PIK3C3: variants seen among roughly 807,000 people sequenced by gnomAD.
PIK3C3 encodes PI3-kinase type 3.
In PIK3C3, 95 loss-of-function variants were observed where a neutral mutation model predicts 126.1. That is an observed-to-expected ratio of 0.75 (90% CI 0.64 to 0.89). The LOEUF is 0.89. Ranked by LOEUF, PIK3C3 falls within the 40% of genes least tolerant of loss-of-function variation. PIK3C3 has a pLI of 0.00. For synonymous variants in PIK3C3, 374 were observed against 360.0 expected, an observed-to-expected ratio of 1.04 and a Z score of -0.44; for missense variants, 829 against 1,063.2, an observed-to-expected ratio of 0.78 and a Z score of 3.06.
chr18:41,974,357 A>G (rs547541242), intron 4 of PIK3C3, among the ~76,000 whole-genome samples: 31 of 152,318 alleles, frequency 2.0e-4, no homozygotes, highest in African/African-American at 7.0e-4. Context: ...TTCTTTCAGG[A>G]TGAATTTAGC....
intron 2 of PIK3C3, among the ~76,000 whole-genome samples, chr18:41,960,969 T>C (rs1401310001): frequency 6.6e-6 from 1 of 152,126 alleles, no homozygotes; most frequent in Non-Finnish European, 1.5e-5. Flanking sequence ...CTTGAACTCC[T>C]GACCTCAAGT....
rs1981824257 is a variant in PIK3C3, at chr18:41,992,434, CTT to C, written c.715-835_715-834del. Among the ~76,000 whole-genome samples, 4 of 152,258 alleles carry C rather than the reference CTT, an allele frequency of 2.6e-5. No individual in the cohort carries two copies. In the South Asian group the frequency reaches 8.3e-4, roughly 32 times the overall value. On this transcript the variant is annotated intron_variant, in intron 6 of 24. Coordinates refer to ENST00000262039, the MANE Select transcript of PIK3C3 (RefSeq NM_002647.4). ...CAGTGCTTCCCCGCTTTCAGTCTCT[CTT>C]GAGTTTGTTGCCCATATTTAAAATT...
intron 13 of PIK3C3, among the ~76,000 whole-genome samples, chr18:42,024,354 C>G (rs1375319650): frequency 6.6e-6 from 1 of 152,056 alleles, no homozygotes; most frequent in Admixed American, 6.5e-5. Flanking sequence ...GATAGCTAAC[C>G]TTGTCTCTCA....
At chr18:42,013,113 CTTT>C (rs67564071) in intron 10 of PIK3C3, among the ~76,000 whole-genome samples, 30,650 of 136,508 alleles carry the variant, frequency 0.22, 3,302 homozygotes, top group South Asian at 0.4. Context: ...ATCCTTCCCA[CTTT>C]TTTTTTTTTT....
At chr18:41,963,767 T>G (rs562059371) in intron 3 of PIK3C3, among the ~76,000 whole-genome samples, 1 of 152,152 alleles carries the variant, frequency 6.6e-6, no homozygotes, top group Non-Finnish European at 1.5e-5. Flanking sequence ...AACTGCTTTT[T>G]GATGTACTTT....
At chr18:42,063,786 C>T (rs542096657) in intron 22 of PIK3C3, among the ~76,000 whole-genome samples, 1 of 152,050 alleles carries the variant, frequency 6.6e-6, no homozygotes, top group South Asian at 2.1e-4. Context: ...AATAAAGATC[C>T]TACATCACCC....
chr18:42,048,249 G>C (rs1446082870), intron 20 of PIK3C3, among the ~76,000 whole-genome samples: 1 of 152,188 alleles, frequency 6.6e-6, no homozygotes, highest in African/African-American at 2.4e-5. Flanking sequence ...TATTTAAGGT[G>C]ATTAGGACCA....
intron 21 of PIK3C3, among the ~76,000 whole-genome samples, chr18:42,054,384 A>G (rs1444467143): frequency 2.0e-5 from 3 of 150,034 alleles, no homozygotes; most frequent in South Asian, 4.2e-4. Context: ...CTCTTTTCAC[A>G]TTTTTCTGTC....
chr18:42,052,730 T>C (rs1568001881), intron 21 of PIK3C3: 1 of 152,166 alleles, frequency 6.6e-6, no homozygotes, highest in Non-Finnish European at 1.5e-5. Flanking sequence ...CAAAGTGAAT[T>C]TTGAATGTGG....
chr18:42,065,274 G>A (rs141840625), intron 23 of PIK3C3, among the ~76,000 whole-genome samples: 3 of 152,038 alleles, frequency 2.0e-5, no homozygotes, highest in African/African-American at 7.2e-5. Flanking sequence ...AAAACAATCC[G>A]TAGAAACACC....
chr18:42,084,476 TTA>T lies in PIK3C3; in HGVS notation c.*3342_*3343del, dbSNP rs1447807905. On this transcript the variant is annotated 3_prime_UTR_variant, in exon 25 of 25. Transcript: ENST00000262039. ...TAATTTTGATATATTAATATTTCAC[TTA>T]TAAGAATGCATACCACCTGATCCAG... The T allele has an allele frequency of 6.6e-6, 1 of 151,450 alleles. No homozygotes were observed. Among genetic ancestry groups the T allele is most frequent in the Non-Finnish European group, 1.5e-5 (1 of 67,934 alleles). 9.4% of individuals were successfully genotyped at this position (151,450 alleles called of 1,614,324 possible).
intron 13 of PIK3C3, among the ~76,000 whole-genome samples, chr18:42,024,438 A>ATT (rs577688097): frequency 3.4e-5 from 5 of 145,094 alleles, no homozygotes; most frequent in Middle Eastern, 3.3e-3. Flanking sequence ...GGCTTGAATG[A>ATT]TTTTTTTTTT....
intron 2 of PIK3C3, 109 bp downstream of exon 2, chr18:41,957,867 G>T: frequency 1.4e-6 from 1 of 735,696 alleles, no homozygotes. Flanking sequence ...AATACCTATA[G>T]GCATTGATCA....
intron 4 of PIK3C3, among the ~76,000 whole-genome samples, chr18:41,978,926 G>A (rs1346393798): frequency 6.6e-6 from 1 of 151,824 alleles, no homozygotes; most frequent in Non-Finnish European, 1.5e-5. Context: ...AATTTTACAT[G>A]TAGAAGAGTT....
At chr18:42,054,144 A>ATCTATATATATATC (rs59790618) in intron 21 of PIK3C3, among the ~76,000 whole-genome samples, 3 of 17,942 alleles carry the variant, frequency 1.7e-4, no homozygotes, top group Admixed American at 4.0e-4. Context: ...ATATATATAT[A>ATCTATATATATATC]TATATATATA....
At chr18:42,025,087 C>G (rs1181842207) in intron 13 of PIK3C3, among the ~76,000 whole-genome samples, 2 of 152,124 alleles carry the variant, frequency 1.3e-5, no homozygotes, top group Non-Finnish European at 2.9e-5. Context: ...GCTGGGATTA[C>G]AGGCATGAGC....
At chr18:42,037,637 C>T (rs1352680515) in intron 16 of PIK3C3, 55 bp from the exon 17 acceptor site, 2 of 1,504,992 alleles carry the variant, frequency 1.3e-6, no homozygotes, top group Non-Finnish European at 9.2e-7. Flanking sequence ...ATGTATAGTA[C>T]AATTTTATGC....
At chr18:41,955,502 A>C in intron 1 of PIK3C3, 143 bp downstream of exon 1, 1 of 663,240 alleles carries the variant, frequency 1.5e-6, no homozygotes, top group Non-Finnish European at 2.6e-6. Flanking sequence ...GTAGCCAGGG[A>C]GGCGCGAGAG....
intron 4 of PIK3C3, among the ~76,000 whole-genome samples, chr18:41,980,364 C>T (rs1981137558): frequency 6.6e-6 from 1 of 152,072 alleles, no homozygotes; most frequent in South Asian, 2.1e-4. Flanking sequence ...TTTCTATTTT[C>T]TAATCAACTG....
Sources: allele counts gnomAD v4.1 joint callset (sites outside exome capture counted in the v4.1 genomes callset), GRCh38; gene constraint gnomAD v4.1.1; transcripts MANE v1.5; gene names NCBI Gene and HGNC (gene_info 2026-07-23, HGNC 2026-07-21).